Variants in NBEA observed in about 807,000 individuals in gnomAD.
NBEA encodes neurobeachin, also known as lysosomal-trafficking regulator 2.
Under a neutral mutation model 343.4 loss-of-function variants are expected in NBEA, and 44 were observed. The ratio of observed to expected loss-of-function variants is 0.13; its 90% CI spans 0.10 to 0.16. The LOEUF (loss-of-function observed/expected upper bound fraction) is 0.16, where lower values mean the gene tolerates loss of function less well. Among genes scored for constraint, NBEA ranks in the 10% least tolerant of loss-of-function variants. The pLI, the probability that NBEA is intolerant of heterozygous loss-of-function variation, is 1.00. For synonymous variants in NBEA, 1,175 were observed against 1,238.7 expected (o/e 0.95, Z 1.08); for missense variants, 2,555 against 3,631.3 (o/e 0.70, Z 7.62).
At chr13:35,254,253 T>C (rs1477976172) in intron 34 of NBEA, among the ~76,000 whole-genome samples, 1 of 151,762 alleles carries the variant, frequency 6.6e-6, no homozygotes, top group African/African-American at 2.4e-5. Context: ...TACTATAAAA[T>C]GCTTAAAAAA....
rs1253917325 is a variant in NBEA, at chr13:34,942,656, G to A, written c.-165G>A. 2 of 395,176 alleles carry A rather than the reference G, an allele frequency of 5.1e-6. No individual in the cohort carries two copies. Among genetic ancestry groups the A allele is most frequent in the Non-Finnish European group, 8.5e-6 (2 of 236,564 alleles). 24.5% of individuals were successfully genotyped at this position (395,176 alleles called of 1,614,324 possible). A position where few individuals can be genotyped will look rare whatever the true frequency, so the allele number is the denominator to read the frequency against. On this transcript the variant is annotated 5_prime_UTR_variant, in exon 1 of 59. Transcript: ENST00000379939. The stretch of plus-strand genomic sequence containing the variant: ...CGCCGCCTCCGCGGGGGAGAGCGCC[G>A]GAGCGGGCCGGGCTGAGGCGCAGGC...
At chr13:35,359,256 A>G (rs2040672002) in intron 38 of NBEA, among the ~76,000 whole-genome samples, 1 of 152,172 alleles carries the variant, frequency 6.6e-6, no homozygotes, top group African/African-American at 2.4e-5. Context: ...ACCTTTTTCT[A>G]TAGCATCCCT....
At chr13:35,015,705 A>G (rs1051418345) in intron 1 of NBEA, among the ~76,000 whole-genome samples, 1 of 152,102 alleles carries the variant, frequency 6.6e-6, no homozygotes, top group Admixed American at 6.5e-5. Flanking sequence ...AATTACAAAA[A>G]TATTTTAGTA....
chr13:35,018,398 CTT>C lies in NBEA; in HGVS notation c.295-22534_295-22533del, dbSNP rs200316711. ...GTATCTACTTAGGTTTTTCTTTTCTCTTGTTATTATTTTTTAATCTTAGCAAT... is the reference window on the plus strand; with the variant it reads ...GTATCTACTTAGGTTTTTCTTTTCTCGTTATTATTTTTTAATCTTAGCAAT... On this transcript the variant is annotated intron_variant, in intron 1 of 58. Coordinates refer to ENST00000379939, the MANE Select transcript of NBEA (RefSeq NM_001385012.1). Among the ~76,000 whole-genome samples the C allele has an allele frequency of 6.4e-3, 968 of 152,090 alleles. 11 individuals are homozygous for C. Among genetic ancestry groups the C allele is most frequent in the African/African-American group, 0.022 (927 of 41,522 alleles).
chr13:35,189,284 TAATAATTAGC>T (rs917479408), intron 30 of NBEA, among the ~76,000 whole-genome samples: 15 of 152,140 alleles, frequency 9.9e-5, no homozygotes, highest in African/African-American at 3.1e-4. Flanking sequence ...TGTATTCCTC[TAATAATTAGC>T]GAAGTTGAGC....
At chr13:35,342,349 A>C (rs535059526) in intron 36 of NBEA, among the ~76,000 whole-genome samples, 1 of 152,228 alleles carries the variant, frequency 6.6e-6, no homozygotes, top group South Asian at 2.1e-4. Context: ...GGATTTTGTT[A>C]TGTGAAATAT....
At chr13:35,012,973 G>T (rs2061535154) in intron 1 of NBEA, among the ~76,000 whole-genome samples, 1 of 152,202 alleles carries the variant, frequency 6.6e-6, no homozygotes, top group Non-Finnish European at 1.5e-5. Context: ...GTACTTTAGG[G>T]ATAGGTTATT....
At chr13:35,285,895 CACAGCCTACG>C (rs1157231168) in intron 34 of NBEA, among the ~76,000 whole-genome samples, 1 of 152,132 alleles carries the variant, frequency 6.6e-6, no homozygotes, top group Admixed American at 6.6e-5. Flanking sequence ...TTTCATCCTT[CACAGCCTACG>C]ACATAACATT....
chr13:35,045,270 G>C, intron 3 of NBEA, 36 bp from the exon 4 acceptor site: 1 of 1,533,594 alleles, frequency 6.5e-7, no homozygotes, highest in Non-Finnish European at 8.9e-7. Context: ...TGCTAAATTT[G>C]TACAATGACA....
At chr13:35,275,725 A>AT (rs1248776275) in intron 34 of NBEA, among the ~76,000 whole-genome samples, 1 of 152,222 alleles carries the variant, frequency 6.6e-6, no homozygotes. Flanking sequence ...AAAAGAAGAC[A>AT]TTTATGCAGC....
intron 34 of NBEA, among the ~76,000 whole-genome samples, chr13:35,288,225 ATC>A (rs1186054442): frequency 6.6e-6 from 1 of 152,004 alleles, no homozygotes; most frequent in African/African-American, 2.4e-5. Context: ...TATTTTCATT[ATC>A]TCTAGTAAAA....
At chr13:35,472,876 T>A (rs928698295) in intron 41 of NBEA, among the ~76,000 whole-genome samples, 2 of 152,196 alleles carry the variant, frequency 1.3e-5, no homozygotes, top group African/African-American at 4.8e-5. Context: ...GAGAAATTTC[T>A]TATTAAGATC....
In NBEA at chr13:34,975,378, C is replaced by T. The variant is rs148018196; in HGVS notation, c.294+32264C>T. On this transcript the variant is annotated intron_variant, in intron 1 of 58. Transcript: ENST00000379939. ...AGTGGCAAAAGGACACCCTATTCAA[C>T]AGATGGTGCTGGGATAATTGACAAG... 2.0e-3 allele frequency among the ~76,000 whole-genome samples: 305 copies of T among 152,234 alleles called. 6 individuals are homozygous for T. The East Asian group carries it at 0.048, about 24-fold the overall frequency.
intron 41 of NBEA, among the ~76,000 whole-genome samples, chr13:35,517,787 A>C (rs1337719764): frequency 1.3e-5 from 2 of 152,064 alleles, no homozygotes; most frequent in Non-Finnish European, 1.5e-5. Context: ...ATAGTTGTCT[A>C]CTCACTTCCT....
chr13:35,283,760 T>C (rs925544186), intron 34 of NBEA, among the ~76,000 whole-genome samples: 2 of 152,186 alleles, frequency 1.3e-5, no homozygotes, highest in African/African-American at 4.8e-5. Context: ...CATCACATTA[T>C]TCAGGGGAAA....
At chr13:35,609,188 G>A (rs73171593) in intron 48 of NBEA, among the ~76,000 whole-genome samples, 240 of 152,284 alleles carry the variant, frequency 1.6e-3, no homozygotes, top group Non-Finnish European at 3.0e-3. Flanking sequence ...TTATTAATTT[G>A]CTAATGTTTA....
At chr13:35,084,336 C>T (rs1252035248) in intron 10 of NBEA, among the ~76,000 whole-genome samples, 1 of 151,846 alleles carries the variant, frequency 6.6e-6, no homozygotes, top group Non-Finnish European at 1.5e-5. Flanking sequence ...GTAAAGCACT[C>T]CTCAGCAAAT....
chr13:35,014,479 A>G (rs991250685), intron 1 of NBEA, among the ~76,000 whole-genome samples: 3 of 152,210 alleles, frequency 2.0e-5, no homozygotes, highest in South Asian at 2.1e-4. Context: ...CTTAGAGGTC[A>G]TATAATTTTG....
chr13:35,252,128 A>G (rs1349173361), intron 34 of NBEA, among the ~76,000 whole-genome samples: 1 of 152,166 alleles, frequency 6.6e-6, no homozygotes, highest in Admixed American at 6.5e-5. Flanking sequence ...GGTTTAATTG[A>G]TTCACAGTTC....
Sources: gnomAD v4.1 joint callset for allele counts (sites outside exome capture counted in the v4.1 genomes callset) on GRCh38, gnomAD v4.1.1 for gene constraint, MANE v1.5 for transcripts, NCBI Gene and HGNC (gene_info 2026-07-23, HGNC 2026-07-21) for gene names.